DUSP16: variants seen among roughly 807,000 people sequenced by gnomAD.
DUSP16 encodes dual specificity phosphatase 16, also known as dual specificity protein phosphatase 16.
DUSP16 carries 21 observed loss-of-function variants against 58.3 expected under a neutral mutation model. That is an observed-to-expected ratio of 0.36 (90% CI 0.26 to 0.52). The LOEUF is 0.52. DUSP16 is among the 20% of genes least tolerant of loss of function. The probability of loss-of-function intolerance (pLI) is 0.94; values close to 1 mark genes in which losing one functional copy is unlikely to be tolerated. For missense variants in DUSP16, 726 were observed against 819.0 expected (o/e 0.89, Z 1.39); for synonymous variants, 320 against 323.8 (o/e 0.99, Z 0.12).
chr12:12,501,971 C>A (rs1344214243), intron 3 of DUSP16, among the ~76,000 whole-genome samples: 1 of 152,018 alleles, frequency 6.6e-6, no homozygotes, highest in African/African-American at 2.4e-5. Flanking sequence ...GCCTGGGCAA[C>A]AGAGCAACAC....
intron 1 of DUSP16, among the ~76,000 whole-genome samples, chr12:12,528,271 C>T (rs1166931281): frequency 6.6e-6 from 1 of 152,122 alleles, no homozygotes; most frequent in Non-Finnish European, 1.5e-5. Flanking sequence ...CTTAATGCTT[C>T]CTCCAGACAC....
At chr12:12,513,359 A>G (rs1944105076) in intron 3 of DUSP16, among the ~76,000 whole-genome samples, 1 of 152,340 alleles carries the variant, frequency 6.6e-6, no homozygotes, top group East Asian at 1.9e-4. Flanking sequence ...AGTATGAAGA[A>G]TATGACTGAA....
intron 1 of DUSP16, among the ~76,000 whole-genome samples, chr12:12,549,194 G>A (rs1191311202): frequency 1.3e-5 from 2 of 149,378 alleles, no homozygotes; most frequent in African/African-American, 4.9e-5. Flanking sequence ...CAAGATGACT[G>A]AAAAAGTGGC....
At chr12:12,539,898 G>GA (rs1221890096) in intron 1 of DUSP16, among the ~76,000 whole-genome samples, 1 of 151,740 alleles carries the variant, frequency 6.6e-6, no homozygotes, top group African/African-American at 2.4e-5. Flanking sequence ...TAAAAAATAC[G>GA]AAAAAATTAG....
Position 12,477,044 on chromosome 12 carries a change from G to C in DUSP16, c.1787C>G (p.Ser596Cys). 1 of 1,614,260 alleles carries C rather than the reference G, an allele frequency of 6.2e-7. No homozygotes were observed. The change falls in exon 7 of 7, where the codon TCT (serine) becomes TGT (cysteine). Residue 596 changes from serine (S) to cysteine (C), a missense_variant. Transcript: ENST00000298573. This position sits in a 1 kb window ranked among gnomAD's most constrained non-coding sequence, Gnocchi z 4.1. ...QLPTCGDQVY[S>C]VRRRQKPSDR... ...ACTTGGCTTCTGCCGCCTGCGCACAGAATAGACTTGGTCTCCGCAAGTGGG... is the reference window on the plus strand; with the variant it reads ...ACTTGGCTTCTGCCGCCTGCGCACACAATAGACTTGGTCTCCGCAAGTGGG...
intron 3 of DUSP16, among the ~76,000 whole-genome samples, chr12:12,515,516 C>T (rs12314295): frequency 0.065 from 9,858 of 151,640 alleles, 574 homozygotes; most frequent in East Asian, 0.25. Context: ...TTAGTAGAGA[C>T]GGGGTTTCTC....
chr12:12,477,419 A>T lies in DUSP16; in HGVS notation c.1412T>A (p.Leu471Gln). 3.1e-6 allele frequency: 5 copies of T among 1,609,394 alleles called. No homozygotes were observed. The highest frequency in any genetic ancestry group is 4.2e-6 in the Non-Finnish European group (5 of 1,177,336). The stretch of plus-strand genomic sequence containing the variant: ...GCTGTCTGAAGGCCTGGCGGTCTGC[A>T]GCTTCTTGGGGATGCTGGCTTCCTC... ...DKEEASIPKKLQTARPSDSQS... is the reference protein window; with the variant it reads ...DKEEASIPKKQQTARPSDSQS... The change falls in exon 7 of 7, where the codon CTG becomes CAG. Residue 471 changes from leucine to glutamine, a missense_variant. Transcript: ENST00000298573. The surrounding 1 kb of genome is among the most constrained non-coding windows in gnomAD (Gnocchi z 4.1).
At chr12:12,490,060 T>A (rs1038294384) in intron 4 of DUSP16, among the ~76,000 whole-genome samples, 2 of 152,206 alleles carry the variant, frequency 1.3e-5, no homozygotes, top group Non-Finnish European at 2.9e-5. Context: ...ACTACAGGCA[T>A]GTGCCACTGC....
intron 4 of DUSP16, among the ~76,000 whole-genome samples, chr12:12,497,484 C>T (rs927791899): frequency 1.3e-5 from 2 of 152,074 alleles, no homozygotes; most frequent in African/African-American, 4.8e-5. Flanking sequence ...CACTGACTAG[C>T]TCTGAAGTCC....
rs549353490 is a variant in DUSP16 at position 12,542,321 on chromosome 12, C to T, written c.-366+19796G>A. On this transcript the variant is annotated intron_variant, in intron 1 of 6. Transcript: ENST00000298573. Reference sequence around the variant, plus strand: ...CTGGGAGGTGGAGGTTGTGGTGAGCCGAGATCACGCCATTGCACTCCAGCC... The same window carrying T: ...CTGGGAGGTGGAGGTTGTGGTGAGCTGAGATCACGCCATTGCACTCCAGCC... Among the ~76,000 whole-genome samples the T allele has an allele frequency of 2.0e-5, 3 of 146,986 alleles. No homozygotes were observed. The South Asian group carries it at 6.5e-4, about 32-fold the overall frequency.
At chr12:12,547,803 G>A (rs1188341026) in intron 1 of DUSP16, among the ~76,000 whole-genome samples, 1 of 152,208 alleles carries the variant, frequency 6.6e-6, no homozygotes, top group Non-Finnish European at 1.5e-5. Context: ...TCTCAGTGTA[G>A]AAGTTAGATA....
intron 5 of DUSP16, among the ~76,000 whole-genome samples, chr12:12,484,863 C>T (rs1186105169): frequency 4.6e-5 from 7 of 152,164 alleles, no homozygotes; most frequent in African/African-American, 1.4e-4. Flanking sequence ...CCCCCCATCT[C>T]GGCCTCCCAA....
At chr12:12,490,101 A>G (rs1943741223) in intron 4 of DUSP16, among the ~76,000 whole-genome samples, 1 of 152,172 alleles carries the variant, frequency 6.6e-6, no homozygotes, top group South Asian at 2.1e-4. Context: ...TTTTTTTTGT[A>G]GAGACAGGGT....
At position 12,500,502 on chromosome 12, in the gene DUSP16, A is replaced by G. The variant is rs779597034; in HGVS notation, c.531+17T>C. On this transcript the variant is annotated intron_variant, in intron 4 of 6. Coordinates refer to ENST00000298573, the MANE Select transcript of DUSP16 (RefSeq NM_030640.3). Reference sequence around the variant, plus strand: ...CAATATAAACCCAGCAATGAAGGATATTTTCAAAGCACCCACCTTGTTGAG... The same window carrying G: ...CAATATAAACCCAGCAATGAAGGATGTTTTCAAAGCACCCACCTTGTTGAG... 1.3e-6 allele frequency: 2 copies of G among 1,591,322 alleles called. No homozygotes were observed. The highest frequency in any genetic ancestry group is 2.3e-5 in the East Asian group (1 of 44,160).
chr12:12,538,435 C>T (rs1429548745), intron 1 of DUSP16, among the ~76,000 whole-genome samples: 1 of 152,176 alleles, frequency 6.6e-6, no homozygotes, highest in East Asian at 1.9e-4. Flanking sequence ...AATAATGTCC[C>T]TTTTACAAAA....
intron 4 of DUSP16, among the ~76,000 whole-genome samples, chr12:12,491,930 C>T (rs536116161): frequency 2.0e-5 from 3 of 152,186 alleles, no homozygotes; most frequent in Non-Finnish European, 4.4e-5. Context: ...TTTTCTCTGT[C>T]CTTCATCCCC....
chr12:12,545,305 G>A (rs752300673), intron 1 of DUSP16, among the ~76,000 whole-genome samples: 8 of 152,080 alleles, frequency 5.3e-5, no homozygotes, highest in African/African-American at 9.7e-5. Flanking sequence ...TGTCACCCAG[G>A]CTGGAGTGCA....
chr12:12,499,651 T>C (rs910882004), intron 4 of DUSP16, among the ~76,000 whole-genome samples: 1 of 152,224 alleles, frequency 6.6e-6, no homozygotes, highest in Non-Finnish European at 1.5e-5. Context: ...GAGAACGTGT[T>C]AAGGGGTTCT....
At chr12:12,542,388 GAAA>G (rs56822339) in intron 1 of DUSP16, among the ~76,000 whole-genome samples, 16,596 of 109,678 alleles carry the variant, frequency 0.15, 1,100 homozygotes, top group Middle Eastern at 0.23. Flanking sequence ...AAAGAAAAGA[GAAA>G]AAAAAAAAAA....
Sources: gnomAD v4.1 joint callset for allele counts (sites outside exome capture counted in the v4.1 genomes callset) on GRCh38, gnomAD v4.1.1 for gene constraint, Gnocchi (gnomAD v3.1) non-coding constraint, MANE v1.5 for transcripts, NCBI Gene and HGNC (gene_info 2026-07-23, HGNC 2026-07-21) for gene names.